SORD: variants seen among roughly 807,000 people sequenced by gnomAD.
SORD encodes (R,R)-butanediol dehydrogenase.
Under a neutral mutation model 35.6 loss-of-function variants are expected in SORD, and 18 were observed. The ratio of observed to expected loss-of-function variants is 0.51; its 90% confidence interval spans 0.35 to 0.75. The LOEUF is 0.75. Ranked by LOEUF, SORD falls within the 30% of genes least tolerant of loss-of-function variation. The probability of loss-of-function intolerance (pLI) is 0.01; values close to 1 mark genes in which losing one functional copy is unlikely to be tolerated. For synonymous variants in SORD, 106 were observed against 152.9 expected (o/e 0.69, Z 2.26); for missense variants, 250 against 390.2 (o/e 0.64, Z 3.03).
At chr15:45,053,969 T>G (rs1339851399) in intron 3 of SORD, among the ~76,000 whole-genome samples, 1 of 146,904 alleles carries the variant, frequency 6.8e-6, no homozygotes, top group Non-Finnish European at 1.5e-5. Context: ...ACAAAGGACA[T>G]GAACTCATCA....
chr15:45,036,616 C>G (rs868361942), intron 1 of SORD, among the ~76,000 whole-genome samples: 3 of 152,142 alleles, frequency 2.0e-5, no homozygotes, highest in Non-Finnish European at 2.9e-5. Context: ...ATGGGAGGAT[C>G]ACTTGAGTTC....
intron 1 of SORD, among the ~76,000 whole-genome samples, chr15:45,039,085 A>G (rs1892921565): frequency 6.6e-6 from 1 of 151,310 alleles, no homozygotes; most frequent in Non-Finnish European, 1.5e-5. Context: ...AGTCCACCCC[A>G]CTGTCTGGCA....
At chr15:45,068,415 A>C (rs1453803283) in intron 6 of SORD, among the ~76,000 whole-genome samples, 169 bp downstream of exon 6, 1 of 151,620 alleles carries the variant, frequency 6.6e-6, no homozygotes, top group Non-Finnish European at 1.5e-5. Flanking sequence ...TGTTAGGAGA[A>C]GCTATCAGAG....
At chr15:45,038,302 A>G (rs1892907042) in intron 1 of SORD, among the ~76,000 whole-genome samples, 1 of 152,158 alleles carries the variant, frequency 6.6e-6, no homozygotes, top group South Asian at 2.1e-4. Context: ...CCTTAGTGTT[A>G]CCATGGGTGG....
In SORD at chr15:45,023,423, T is replaced by C. The variant is rs112957339; in HGVS notation, c.66+74T>C. 21 of 1,271,644 alleles carry C rather than the reference T, an allele frequency of 1.7e-5. No individual in the cohort carries two copies. In the African/African-American group the frequency reaches 2.8e-4, roughly 17 times the overall value. 78.8% of individuals were successfully genotyped at this position (1,271,644 alleles called of 1,614,324 possible). A position where few individuals can be genotyped will look rare whatever the true frequency, so the allele number is the denominator to read the frequency against. On this transcript the variant is annotated intron_variant, in intron 1 of 8. Transcript: ENST00000267814. ...CTCTGAGCCCAGCCATAGTCCTGGCTTCCCACTTCCAGCCTGGCGCCGGCC... is the reference window on the plus strand; with the variant it reads ...CTCTGAGCCCAGCCATAGTCCTGGCCTCCCACTTCCAGCCTGGCGCCGGCC...
At chr15:45,055,112 T>C (rs1462761776) in intron 3 of SORD, among the ~76,000 whole-genome samples, 1 of 152,164 alleles carries the variant, frequency 6.6e-6, no homozygotes, top group South Asian at 2.1e-4. Context: ...TGGCTTAGGA[T>C]TGACTTGGCG....
chr15:45,025,910 A>C (rs1595492203), intron 1 of SORD, among the ~76,000 whole-genome samples: 1 of 152,210 alleles, frequency 6.6e-6, no homozygotes. Context: ...TCCTGTCCCA[A>C]ATAGTGCCCT....
chr15:45,065,414 G>A, intron 5 of SORD, 25 bp downstream of exon 5: 2 of 1,579,556 alleles, frequency 1.3e-6, no homozygotes, highest in Non-Finnish European at 1.7e-6. Flanking sequence ...CCACCCTGTT[G>A]CGGGTTCATT....
intron 6 of SORD, 52 bp downstream of exon 6, chr15:45,068,298 C>G (rs1326522333): frequency 9.1e-5 from 121 of 1,327,012 alleles, no homozygotes; most frequent in Non-Finnish European, 1.3e-4. Context: ...GCGGGTCCTA[C>G]TGTATGTGCA....
At chr15:45,045,591 A>G (rs76661354) in intron 3 of SORD, among the ~76,000 whole-genome samples, 4,522 of 151,074 alleles carry the variant, frequency 0.03, 194 homozygotes, top group African/African-American at 0.088. Context: ...CAACAAAATT[A>G]CAGATATGAG....
chr15:45,062,161 A>C (rs1893325114), intron 4 of SORD, among the ~76,000 whole-genome samples: 1 of 152,150 alleles, frequency 6.6e-6, no homozygotes, highest in East Asian at 1.9e-4. Context: ...TAATCTCCAC[A>C]AGAATAATGC....
chr15:45,030,384 A>ATT (rs1555408777), intron 1 of SORD, among the ~76,000 whole-genome samples: 2 of 151,932 alleles, frequency 1.3e-5, no homozygotes, highest in African/African-American at 4.9e-5. Flanking sequence ...ACACGTAGAT[A>ATT]CAATATTAGC....
chr15:45,056,427 A>G (rs1893218045), intron 3 of SORD, among the ~76,000 whole-genome samples: 2 of 152,212 alleles, frequency 1.3e-5, no homozygotes, highest in Admixed American at 1.3e-4. Flanking sequence ...TCCAACTTAC[A>G]AGGGACGTGA....
intron 1 of SORD, among the ~76,000 whole-genome samples, chr15:45,035,114 C>T (rs957052349): frequency 2.0e-4 from 30 of 152,186 alleles, no homozygotes; most frequent in African/African-American, 7.0e-4. Flanking sequence ...CCTGACCCTT[C>T]CCCCGACTCC....
chr15:45,065,379 G>T lies in SORD; in HGVS notation c.534G>T (p.Val178=), dbSNP rs1260882366. The change falls in exon 5 of 9, where the codon GTG becomes GTT. Residue 178 remains valine (V), a synonymous_variant. Transcript: ENST00000267814. ...GGVTLGHKVL[V]CGAGPIGMVT... is the part of the protein sequence containing the mutation. ...TTACCCTGGGACACAAGGTCCTTGT[G>T]TGTGGAGCTGGTAAGAAACAGAAGC... 1 of 1,607,048 alleles carries T rather than the reference G, an allele frequency of 6.2e-7. No homozygotes were observed.
At chr15:45,039,438 TCTTGATTAC>T (rs1230804448) in intron 1 of SORD, among the ~76,000 whole-genome samples, 1 of 152,212 alleles carries the variant, frequency 6.6e-6, no homozygotes, top group African/African-American at 2.4e-5. Context: ...ACATCTCTTT[TCTTGATTAC>T]CTTCAAAGAA....
chr15:45,052,729 G>A (rs533579546), intron 3 of SORD, among the ~76,000 whole-genome samples: 1 of 152,220 alleles, frequency 6.6e-6, no homozygotes, highest in Admixed American at 6.5e-5. Flanking sequence ...AGACTGCTGA[G>A]CCCCTGTCTA....
chr15:45,060,355 G>T (rs910378041), intron 3 of SORD, among the ~76,000 whole-genome samples: 8 of 152,120 alleles, frequency 5.3e-5, no homozygotes, highest in African/African-American at 1.9e-4. Context: ...ATAATAAAAA[G>T]ATAGAAAAAA....
At chr15:45,032,334 A>G (rs1285094454) in intron 1 of SORD, among the ~76,000 whole-genome samples, 1 of 152,234 alleles carries the variant, frequency 6.6e-6, no homozygotes, top group Non-Finnish European at 1.5e-5. Context: ...TTATAAAACA[A>G]TAACTAGAAG....
Sources: gnomAD v4.1 joint callset for allele counts (sites outside exome capture counted in the v4.1 genomes callset) on GRCh38, gnomAD v4.1.1 for gene constraint, MANE v1.5 for transcripts, NCBI Gene and HGNC (gene_info 2026-07-23, HGNC 2026-07-21) for gene names.